Variants in CYTH1 observed in about 807,000 individuals in gnomAD.
CYTH1 encodes the protein cytohesin 1.
CYTH1 carries 18 observed loss-of-function variants against 61.8 expected under a neutral mutation model. The observed-to-expected ratio is 0.29, with a 90% CI of 0.20 to 0.43. The LOEUF is 0.43. CYTH1 is among the 20% of genes least tolerant of loss of function. The probability of loss-of-function intolerance (pLI) is 1.00; values close to 1 mark genes in which losing one functional copy is unlikely to be tolerated. For missense variants in CYTH1, 336 were observed against 510.5 expected (o/e 0.66, Z 3.29); for synonymous variants, 174 against 184.3 (o/e 0.94, Z 0.45).
In CYTH1 at chr17:78,688,428, C is replaced by G. The variant is rs1454866716; in HGVS notation, c.891+3989G>C. Reference sequence around the variant, plus strand: ...TTGAGTACCAGAGTGACTCGTTAATCCTCTCTAACAATTGTGCCTCAATAT... The same window carrying G: ...TTGAGTACCAGAGTGACTCGTTAATGCTCTCTAACAATTGTGCCTCAATAT... On this transcript the variant is annotated intron_variant, in intron 11 of 13. Transcript: ENST00000446868. 5.9e-5 allele frequency among the ~76,000 whole-genome samples: 9 copies of G among 152,310 alleles called. No homozygotes were observed. The East Asian group carries it at 1.3e-3, about 23-fold the overall frequency.
chr17:78,742,057 T>G (rs1180566890), intron 1 of CYTH1, among the ~76,000 whole-genome samples: 1 of 152,240 alleles, frequency 6.6e-6, no homozygotes, highest in Admixed American at 6.5e-5. Flanking sequence ...ACTTCTACTG[T>G]TGGGCATTAA....
chr17:78,696,428 C>CACACATATACCCATGAGT (rs1393479322), intron 9 of CYTH1, among the ~76,000 whole-genome samples: 4 of 152,272 alleles, frequency 2.6e-5, no homozygotes, highest in Non-Finnish European at 5.9e-5. Flanking sequence ...TAAGAATGCA[C>CACACATATACCCATGAGT]ACACATATAC....
intron 1 of CYTH1, among the ~76,000 whole-genome samples, chr17:78,743,484 G>A (rs2093349058): frequency 1.3e-5 from 2 of 152,164 alleles, no homozygotes; most frequent in Admixed American, 1.3e-4. Context: ...GACACTCAAA[G>A]GAAATGCTCA....
chr17:78,763,804 A>G (rs2093437919), intron 1 of CYTH1, among the ~76,000 whole-genome samples: 1 of 152,158 alleles, frequency 6.6e-6, no homozygotes, highest in South Asian at 2.1e-4. Context: ...TTTATTTGCT[A>G]CACTCATCTT....
rs972223473 is a variant in CYTH1, at chr17:78,717,636, G to A, written c.23-7904C>T. ...GCCAGAGGACGATACATGAGCACAC[G>A]GCGGGCTCTAGTCTAAAATCCTGCA... On this transcript the variant is annotated intron_variant, in intron 1 of 13. Coordinates refer to ENST00000446868, the MANE Select transcript of CYTH1 (RefSeq NM_004762.6). This position sits in a 1 kb window ranked among gnomAD's most constrained non-coding sequence, Gnocchi z 4.4. 1.3e-4 allele frequency among the ~76,000 whole-genome samples: 20 copies of A among 152,008 alleles called. No individual in the cohort carries two copies. The East Asian group carries it at 2.1e-3, about 16-fold the overall frequency.
chr17:78,768,460 T>C (rs1347924764), intron 1 of CYTH1, among the ~76,000 whole-genome samples: 2 of 152,160 alleles, frequency 1.3e-5, no homozygotes, highest in African/African-American at 4.8e-5. Context: ...CTCCAGAGAT[T>C]ACGTCCAAAA....
chr17:78,729,188 G>A (rs370853123), intron 1 of CYTH1, among the ~76,000 whole-genome samples: 2 of 152,078 alleles, frequency 1.3e-5, no homozygotes, highest in Admixed American at 6.5e-5. Context: ...GCTCACTGCA[G>A]CCTCAAACTC....
chr17:78,755,461 G>A (rs1000685048), intron 1 of CYTH1, among the ~76,000 whole-genome samples: 6 of 123,528 alleles, frequency 4.9e-5, no homozygotes, highest in African/African-American at 1.9e-4. Context: ...GTAAAAGCCA[G>A]ACATGTATGA....
chr17:78,676,030 A>G lies in CYTH1; in HGVS notation c.*61T>C. 6.4e-7 allele frequency: 1 copy of G among 1,562,838 alleles called. No homozygotes were observed. On this transcript the variant is annotated 3_prime_UTR_variant, in exon 14 of 14. Coordinates refer to ENST00000446868, the MANE Select transcript of CYTH1 (RefSeq NM_004762.6). ...CTGCTCGGCAGCAGTGCATCCATGG[A>G]GGTGCGGGAGAAGAGCAGGAGCTCC...
chr17:78,730,534 C>G (rs962226526), intron 1 of CYTH1, among the ~76,000 whole-genome samples: 1 of 149,054 alleles, frequency 6.7e-6, no homozygotes, highest in Admixed American at 6.7e-5. Flanking sequence ...GAGACTCCGT[C>G]TCAAAAAAAA....
Position 78,698,392 on chromosome 17 carries a change from G to T in CYTH1, c.700-12C>A, listed in dbSNP as rs779433137. On this transcript the variant is annotated splice_polypyrimidine_tract_variant and intron_variant, in intron 8 of 13. Coordinates refer to ENST00000446868, the MANE Select transcript of CYTH1 (RefSeq NM_004762.6). ...CTCTCATAGAGATTCTGGGATAAAA[G>T]ATGACAATTTATGTCTCTGATTCTA... The T allele has an allele frequency of 1.3e-6, 2 of 1,580,002 alleles. No homozygotes were observed. Among genetic ancestry groups the T allele is most frequent in the South Asian group, 1.1e-5 (1 of 89,640 alleles).
intron 10 of CYTH1, among the ~76,000 whole-genome samples, chr17:78,693,229 A>G (rs1163732401): frequency 1.3e-5 from 2 of 152,198 alleles, no homozygotes; most frequent in Non-Finnish European, 2.9e-5. Flanking sequence ...TAACAGAAAC[A>G]GCTGGCAAAT....
intron 1 of CYTH1, among the ~76,000 whole-genome samples, chr17:78,776,034 A>G (rs1264626257): frequency 6.6e-6 from 1 of 152,112 alleles, no homozygotes; most frequent in African/African-American, 2.4e-5. Flanking sequence ...ACATGCCTGT[A>G]ATCCCAGCTA....
intron 1 of CYTH1, among the ~76,000 whole-genome samples, chr17:78,714,670 A>G (rs2144480991): frequency 6.6e-6 from 1 of 152,280 alleles, no homozygotes; most frequent in South Asian, 2.1e-4. Flanking sequence ...TACCCCAAGC[A>G]GGCTCTGGCT....
intron 11 of CYTH1, among the ~76,000 whole-genome samples, chr17:78,685,939 C>T (rs192767448): frequency 6.6e-6 from 1 of 152,206 alleles, no homozygotes; most frequent in Admixed American, 6.5e-5. Context: ...AGACACTTGG[C>T]TCCAAGTTCA....
At chr17:78,746,213 AT>A (rs1192440544) in intron 1 of CYTH1, among the ~76,000 whole-genome samples, 1 of 152,194 alleles carries the variant, frequency 6.6e-6, no homozygotes, top group African/African-American at 2.4e-5. Context: ...GGGGTCAGGT[AT>A]TGTTAAGTTT....
chr17:78,700,204 T>A lies in CYTH1; in HGVS notation c.550+127A>T. The A allele has an allele frequency of 1.3e-6, 1 of 783,170 alleles. No individual in the cohort carries two copies. The highest frequency in any genetic ancestry group is 1.8e-5 in the African/African-American group (1 of 55,958). 48.5% of individuals were successfully genotyped at this position (783,170 alleles called of 1,614,324 possible). ...GGTTATTTCCAACATTTTACTATTATAACTATCATTGAGTAAACGTTCCTA... is the reference window on the plus strand; with the variant it reads ...GGTTATTTCCAACATTTTACTATTAAAACTATCATTGAGTAAACGTTCCTA... On this transcript the variant is annotated intron_variant, in intron 7 of 13. Transcript: ENST00000446868. This position sits in a 1 kb window ranked among gnomAD's most constrained non-coding sequence, Gnocchi z 5.1.
intron 12 of CYTH1, 130 bp downstream of exon 12, chr17:78,680,841 A>T (rs1007994013): frequency 7.7e-6 from 7 of 908,660 alleles, no homozygotes; most frequent in Non-Finnish European, 1.2e-5. Flanking sequence ...CTTGAACAAT[A>T]TAATAAAAAA....
At chr17:78,712,221 GAGAA>G (rs1004728175) in intron 1 of CYTH1, among the ~76,000 whole-genome samples, 4 of 151,890 alleles carry the variant, frequency 2.6e-5, no homozygotes, top group Admixed American at 2.6e-4. Flanking sequence ...GAAAGAAAAA[GAGAA>G]AGAAACAGAA....
Sources: allele counts gnomAD v4.1 joint callset (sites outside exome capture counted in the v4.1 genomes callset), GRCh38; gene constraint gnomAD v4.1.1; non-coding constraint Gnocchi (gnomAD v3.1); transcripts MANE v1.5; gene names NCBI Gene and HGNC (gene_info 2026-07-23, HGNC 2026-07-21).